FYB2: variants seen among roughly 807,000 people sequenced by gnomAD.
The protein encoded by FYB2 is FYN binding protein 2.
A neutral mutation model predicts 94.1 loss-of-function variants in FYB2; 103 were observed. The ratio of observed to expected loss-of-function variants is 1.09; its 90% confidence interval spans 0.93 to 1.29. FYB2 has a LOEUF of 1.29. Ranked by LOEUF, FYB2 falls within the 50% of genes most tolerant of loss-of-function variation. The pLI, the probability that FYB2 is intolerant of heterozygous loss-of-function variation, is 0.00. For synonymous variants in FYB2, 293 were observed against 287.9 expected (o/e 1.02, Z -0.18); for missense variants, 896 against 841.5 (o/e 1.06, Z -0.80).
At chr1:56,788,071 C>G (rs1646172490) in intron 3 of FYB2, among the ~76,000 whole-genome samples, 1 of 152,186 alleles carries the variant, frequency 6.6e-6, no homozygotes, top group African/African-American at 2.4e-5. Context: ...GGCAAATTAT[C>G]AAGCTCCAAC....
intron 2 of FYB2, among the ~76,000 whole-genome samples, chr1:56,789,920 C>T (rs1646222511): frequency 2.0e-5 from 3 of 152,258 alleles, no homozygotes; most frequent in African/African-American, 4.8e-5. Context: ...TTCCAGGGCT[C>T]ATAGCCTAGG....
At chr1:56,719,954 CT>C in intron 19 of FYB2, 67 bp downstream of exon 19, 2 of 1,435,874 alleles carry the variant, frequency 1.4e-6, no homozygotes, top group Non-Finnish European at 1.9e-6. Flanking sequence ...GTAGTCTTCT[CT>C]TGAGACTAAT....
intron 1 of FYB2, among the ~76,000 whole-genome samples, chr1:56,805,701 C>T (rs993737394): frequency 2.0e-4 from 30 of 152,136 alleles, no homozygotes; most frequent in Non-Finnish European, 2.2e-4. Flanking sequence ...AATTGAATCA[C>T]GGGGGCAAAT....
At chr1:56,754,664 AG>A (rs1645282187) in intron 7 of FYB2, among the ~76,000 whole-genome samples, 1 of 152,080 alleles carries the variant, frequency 6.6e-6, no homozygotes, top group Admixed American at 6.6e-5. Flanking sequence ...CTTCCATAGC[AG>A]TGATAATATT....
chr1:56,744,147 C>CG lies in FYB2; in HGVS notation c.1502+4_1502+5insC, dbSNP rs1216370317. The CG allele has an allele frequency of 6.2e-7, 1 of 1,611,828 alleles. No individual in the cohort carries two copies. Among genetic ancestry groups the CG allele is most frequent in the East Asian group, 2.2e-5 (1 of 44,796 alleles). ...ATCTTGCTGAAAGACTGGAATGTTA[C>CG]TTACACCTCTTTCCTGGAGTACTCG... is the stretch of plus-strand genomic sequence containing the variant. On this transcript the variant is annotated splice_donor_region_variant and intron_variant, in intron 10 of 19. Coordinates refer to ENST00000343433, the MANE Select transcript of FYB2 (RefSeq NM_001004303.5).
At chr1:56,822,868 A>G (rs1570283543), upstream of FYB2, among the ~76,000 whole-genome samples, 4 of 151,986 alleles carry the variant, frequency 2.6e-5, no homozygotes, top group East Asian at 7.7e-4. Context: ...GACTGTGTAG[A>G]TTGATTGTCA....
At chr1:56,769,924 C>A (rs953761746) in intron 4 of FYB2, among the ~76,000 whole-genome samples, 90 of 151,800 alleles carry the variant, frequency 5.9e-4, no homozygotes, top group Non-Finnish European at 4.4e-4. Context: ...AGCAGACAAG[C>A]CAAAGATCCA....
chr1:56,783,130 A>G (rs1418144537), intron 4 of FYB2, among the ~76,000 whole-genome samples: 1 of 152,184 alleles, frequency 6.6e-6, no homozygotes, highest in African/African-American at 2.4e-5. Flanking sequence ...AGGGATGGAG[A>G]GGCCAAGGTT....
intron 6 of FYB2, among the ~76,000 whole-genome samples, chr1:56,756,624 C>T (rs1032282114): frequency 1.3e-5 from 2 of 152,116 alleles, no homozygotes; most frequent in African/African-American, 4.8e-5. Flanking sequence ...ACACATAATT[C>T]TAGCAAATTA....
At chr1:56,781,320 A>G (rs1646003407) in intron 4 of FYB2, among the ~76,000 whole-genome samples, 1 of 152,056 alleles carries the variant, frequency 6.6e-6, no homozygotes, top group Non-Finnish European at 1.5e-5. Flanking sequence ...AATAACCTCC[A>G]TATTGTCCTA....
chr1:56,787,785 T>C (rs1271238788), intron 3 of FYB2, among the ~76,000 whole-genome samples: 1 of 152,230 alleles, frequency 6.6e-6, no homozygotes, highest in Non-Finnish European at 1.5e-5. Context: ...AAGCCCATTT[T>C]ATGGCAAAAG....
chr1:56,807,935 G>A (rs935723371), intron 1 of FYB2, among the ~76,000 whole-genome samples: 1 of 152,128 alleles, frequency 6.6e-6, no homozygotes, highest in Non-Finnish European at 1.5e-5. Context: ...AGTTAAGTGT[G>A]AATCACAGTA....
chr1:56,765,312 G>A (rs1430444524), intron 5 of FYB2, among the ~76,000 whole-genome samples: 1 of 152,148 alleles, frequency 6.6e-6, no homozygotes, highest in Non-Finnish European at 1.5e-5. Flanking sequence ...TAGGGAGAAG[G>A]GCATCTTGTT....
In FYB2 at chr1:56,792,206, G is replaced by T; in HGVS notation, c.607C>A (p.Pro203Thr). The T allele has an allele frequency of 6.2e-7, 1 of 1,613,902 alleles. No individual in the cohort carries two copies. The highest frequency in any genetic ancestry group is 8.5e-7 in the Non-Finnish European group (1 of 1,179,958). Reference sequence around the variant, plus strand: ...TCAGAGACGTTATGTAATATTTTGGGGGCCACCACGTGCTTCTGGGAAGGA... The same window carrying T: ...TCAGAGACGTTATGTAATATTTTGGTGGCCACCACGTGCTTCTGGGAAGGA... Reference protein sequence around the residue: ...TLPSQKHVVAPKILHNVSEDP... With the variant: ...TLPSQKHVVATKILHNVSEDP... The change falls in exon 2 of 20, where the codon CCC (proline) becomes ACC (threonine). Residue 203 changes from proline (P) to threonine (T), a missense_variant. Pro to Thr is a conservative substitution (Grantham distance 38). Transcript: ENST00000343433.
At chr1:56,807,699 T>C (rs192209066) in intron 1 of FYB2, among the ~76,000 whole-genome samples, 69 of 152,314 alleles carry the variant, frequency 4.5e-4, no homozygotes, top group African/African-American at 1.6e-3. Flanking sequence ...CCAGCAAGAT[T>C]GGTAAGCGTT....
intron 5 of FYB2, among the ~76,000 whole-genome samples, chr1:56,761,741 A>C (rs998581032): frequency 2.1e-4 from 32 of 152,078 alleles, no homozygotes; most frequent in African/African-American, 6.8e-4. Context: ...AGTCACCCAA[A>C]GGCAACAGCA....
intron 4 of FYB2, among the ~76,000 whole-genome samples, chr1:56,768,269 G>C (rs972887865): frequency 2.6e-5 from 4 of 152,200 alleles, no homozygotes; most frequent in African/African-American, 7.2e-5. Flanking sequence ...ACCAGATAAA[G>C]AGAAATCTTA....
At chr1:56,725,798 C>A (rs1174489191) in intron 16 of FYB2, among the ~76,000 whole-genome samples, 1 of 152,048 alleles carries the variant, frequency 6.6e-6, no homozygotes, top group Non-Finnish European at 1.5e-5. Flanking sequence ...ACTTTTCTAA[C>A]AGGTTTCCCA....
chr1:56,740,928 C>A, intron 12 of FYB2, 133 bp from the exon 13 acceptor site: 40 of 474,790 alleles, frequency 8.4e-5, no homozygotes, highest in Non-Finnish European at 1.0e-4. Flanking sequence ...TATACATGGT[C>A]ATAAAGATGG....
Sources: gnomAD v4.1 joint callset for allele counts (sites outside exome capture counted in the v4.1 genomes callset) on GRCh38, gnomAD v4.1.1 for gene constraint, MANE v1.5 for transcripts, NCBI Gene and HGNC (gene_info 2026-07-23, HGNC 2026-07-21) for gene names.